The following RFX4 variants were observed in gnomAD, a reference collection of about 807,000 sequenced individuals.
RFX4 encodes transcription factor RFX4.
Under a neutral mutation model 95.0 loss-of-function variants are expected in RFX4, and 10 were observed. The observed-to-expected ratio is 0.11, with a 90% CI of 0.06 to 0.18. The LOEUF is 0.18. Among genes scored for constraint, RFX4 ranks in the 10% least tolerant of loss-of-function variants. The pLI is 1.00. For synonymous variants in RFX4, 321 were observed against 340.7 expected (o/e 0.94, Z 0.64); for missense variants, 640 against 922.0 (o/e 0.69, Z 3.96).
At chr12:106,610,888 C>T (rs964825266) in intron 2 of RFX4, among the ~76,000 whole-genome samples, 2 of 152,156 alleles carry the variant, frequency 1.3e-5, no homozygotes, top group African/African-American at 2.4e-5. Context: ...TGAGAAACCA[C>T]AAAACTGGTT....
At chr12:106,683,079 G>A (rs1422174852) in intron 5 of RFX4, 1 of 152,120 alleles carries the variant, frequency 6.6e-6, no homozygotes, top group Non-Finnish European at 1.5e-5. Flanking sequence ...CGTTGAGCAG[G>A]TCAGCACATA....
chr12:106,583,247 T>G lies in RFX4; in HGVS notation c.-74T>G. 7 of 561,430 alleles carry G rather than the reference T, an allele frequency of 1.2e-5. No individual in the cohort carries two copies. Among genetic ancestry groups the G allele is most frequent in the East Asian group, 7.0e-5 (1 of 14,314 alleles). 34.8% of individuals were successfully genotyped at this position (561,430 alleles called of 1,614,324 possible). ...CTCCCTCCCTCCCTCCCTTCCTCCC[T>G]GGGCATCTCTAGCACAGGGGATCCC... On this transcript the variant is annotated 5_prime_UTR_variant, in exon 1 of 18. Transcript: ENST00000392842.
intron 14 of RFX4, 134 bp downstream of exon 14, chr12:106,732,383 A>G: frequency 7.8e-7 from 1 of 1,276,388 alleles, no homozygotes; most frequent in African/African-American, 1.5e-5. Flanking sequence ...GTATCAAACC[A>G]ATCATGTCTT....
chr12:106,704,941 GA>G (rs2042056030), intron 8 of RFX4, among the ~76,000 whole-genome samples: 1 of 152,160 alleles, frequency 6.6e-6, no homozygotes, highest in Non-Finnish European at 1.5e-5. Context: ...ACATCAGACA[GA>G]AAGGCAGAGG....
chr12:106,760,386 G>A (rs1424624109), intron 17 of RFX4, among the ~76,000 whole-genome samples: 1 of 152,120 alleles, frequency 6.6e-6, no homozygotes, highest in African/African-American at 2.4e-5. Context: ...AAGCACTTCA[G>A]AAGCACTTCT....
chr12:106,652,783 T>A (rs1178996270), intron 3 of RFX4, among the ~76,000 whole-genome samples: 3 of 152,208 alleles, frequency 2.0e-5, no homozygotes, highest in Non-Finnish European at 4.4e-5. Context: ...AGTGCTGCCC[T>A]TTCAAGTGGG....
rs376218550 is a variant in RFX4, at chr12:106,589,378, G to A, written c.43+6015G>A. On this transcript the variant is annotated intron_variant, in intron 1 of 17. Transcript: ENST00000392842. Reference sequence around the variant, plus strand: ...CTAAGAGAAGGTATGGACACACTGAGAGTGGTGAGCACTACAAGGAACATA... The same window carrying A: ...CTAAGAGAAGGTATGGACACACTGAAAGTGGTGAGCACTACAAGGAACATA... Among the ~76,000 whole-genome samples the A allele has an allele frequency of 6.6e-5, 10 of 152,330 alleles. No individual in the cohort carries two copies. In the South Asian group the frequency reaches 1.0e-3, roughly 16 times the overall value.
At chr12:106,703,813 C>A (rs1037020257) in intron 8 of RFX4, among the ~76,000 whole-genome samples, 1 of 152,168 alleles carries the variant, frequency 6.6e-6, no homozygotes, top group Non-Finnish European at 1.5e-5. Context: ...TGCCTGTAAT[C>A]CCAGCACTTT....
chr12:106,729,552 G>C (rs770651362), intron 13 of RFX4, among the ~76,000 whole-genome samples: 15 of 152,248 alleles, frequency 9.9e-5, no homozygotes, highest in Non-Finnish European at 1.8e-4. Flanking sequence ...TGGTTCTGCC[G>C]CTTAATGACT....
chr12:106,750,120 G>A (rs894991539), intron 16 of RFX4, among the ~76,000 whole-genome samples: 5 of 152,050 alleles, frequency 3.3e-5, no homozygotes, highest in African/African-American at 1.2e-4. Context: ...TGAGGGAGAA[G>A]GAAAATCAAC....
At chr12:106,747,946 AAAAG>A (rs1220186734) in intron 16 of RFX4, among the ~76,000 whole-genome samples, 1 of 149,560 alleles carries the variant, frequency 6.7e-6, no homozygotes, top group African/African-American at 2.4e-5. Flanking sequence ...AAAAAAAAGA[AAAAG>A]AAAAAAGATC....
In RFX4 at chr12:106,639,358, T is replaced by A; in HGVS notation, c.157T>A (p.Ser53Thr). Residue 53 changes from serine to threonine, a missense_variant, in exon 3 of 18, where the codon TCC becomes ACC. Around this residue, in one of 7 missense-constraint regions of RFX4, gnomAD observed 63 missense variants for 68.8 expected, o/e 0.92. Transcript: ENST00000392842. ...ENEEKENNRA[S>T]KPHSTPATLQ... is the part of the protein sequence containing the mutation. ...TGAGGAAAAAGAAAATAATAGAGCATCCAAGCCCCACTCCACTCCTGCTAC... is the reference window on the plus strand; with the variant it reads ...TGAGGAAAAAGAAAATAATAGAGCAACCAAGCCCCACTCCACTCCTGCTAC... 1 of 1,613,800 alleles carries A rather than the reference T, an allele frequency of 6.2e-7. No individual in the cohort carries two copies. Among genetic ancestry groups the A allele is most frequent in the Non-Finnish European group, 8.5e-7 (1 of 1,179,838 alleles).
Position 106,761,401 on chromosome 12 carries a change from G to A in RFX4, c.2140G>A (p.Glu714Lys). The A allele has an allele frequency of 1.2e-6, 2 of 1,614,120 alleles. No individual in the cohort carries two copies. Among genetic ancestry groups the A allele is most frequent in the Non-Finnish European group, 1.7e-6 (2 of 1,180,016 alleles). ...GACAACGCGCAGGAATTCTGAATATGAGCACATGCAACACTTTCCTGGCTT... is the reference window on the plus strand; with the variant it reads ...GACAACGCGCAGGAATTCTGAATATAAGCACATGCAACACTTTCCTGGCTT... ...PLTTRRNSEY[E>K]HMQHFPGFAY... is the part of the protein sequence containing the mutation. Residue 714 changes from glutamate to lysine, a missense_variant, in exon 18 of 18, where the codon GAG becomes AAG. Glu to Lys is a moderately conservative substitution (Grantham distance 56). Coordinates refer to ENST00000392842, the MANE Select transcript of RFX4 (RefSeq NM_213594.3).
At chr12:106,745,396 G>A (rs2042872570) in intron 15 of RFX4, among the ~76,000 whole-genome samples, 1 of 152,162 alleles carries the variant, frequency 6.6e-6, no homozygotes, top group Non-Finnish European at 1.5e-5. Flanking sequence ...GACATTATTT[G>A]CATTCTAAAA....
intron 2 of RFX4, among the ~76,000 whole-genome samples, chr12:106,635,519 G>A (rs1381882328): frequency 1.3e-5 from 2 of 151,986 alleles, no homozygotes; most frequent in African/African-American, 4.8e-5. Context: ...CACTGTGTTG[G>A]GCAGGCTGGT....
intron 2 of RFX4, among the ~76,000 whole-genome samples, chr12:106,620,620 G>C (rs1248108260): frequency 6.6e-6 from 1 of 152,144 alleles, no homozygotes; most frequent in African/African-American, 2.4e-5. Flanking sequence ...ACTGATGAGG[G>C]TCTATGTTCA....
intron 6 of RFX4, among the ~76,000 whole-genome samples, chr12:106,688,323 C>T (rs1286444027): frequency 6.6e-6 from 1 of 152,112 alleles, no homozygotes; most frequent in African/African-American, 2.4e-5. Flanking sequence ...CCACCTCGGC[C>T]TCCCAAAGTG....
intron 4 of RFX4, among the ~76,000 whole-genome samples, chr12:106,667,550 T>A (rs1342765256): frequency 4.6e-5 from 7 of 152,228 alleles, no homozygotes; most frequent in African/African-American, 1.4e-4. Flanking sequence ...AGTTATTTTT[T>A]AACTCTCAGC....
intron 13 of RFX4, among the ~76,000 whole-genome samples, chr12:106,729,150 C>T (rs2137552640): frequency 6.6e-6 from 1 of 152,298 alleles, no homozygotes; most frequent in South Asian, 2.1e-4. Context: ...GTTGTTTGTT[C>T]ATCCTAAAAC....
Sources: gnomAD v4.1 joint callset for allele counts (sites outside exome capture counted in the v4.1 genomes callset) on GRCh38, gnomAD v4.1.1 for gene constraint, gnomAD v4.1.1 regional missense constraint, MANE v1.5 for transcripts, NCBI Gene and HGNC (gene_info 2026-07-23, HGNC 2026-07-21) for gene names.